CACNA2D1: variants seen among roughly 807,000 people sequenced by gnomAD.
CACNA2D1 encodes calcium voltage-gated channel auxiliary subunit alpha2delta 1.
In CACNA2D1, 53 loss-of-function variants were observed where a neutral mutation model predicts 171.5. That is an observed-to-expected ratio of 0.31 (90% CI 0.25 to 0.39). The LOEUF is 0.39. Ranked by LOEUF, CACNA2D1 falls within the 10% of genes least tolerant of loss-of-function variation. CACNA2D1 has a pLI of 1.00. For synonymous variants in CACNA2D1, 442 were observed against 443.1 expected (o/e 1.00, Z 0.03); for missense variants, 903 against 1,299.8 (o/e 0.69, Z 4.69).
chr7:82,012,254 G>GGAAA lies in CACNA2D1; in HGVS notation c.1273-12_1273-11insTTTC, dbSNP rs72239441. ...AACATCCAAATATTCCTGTTTATGG[G>GGAAA]AAAAAAAAAAAAAGTCGTGGTTAAA... On this transcript the variant is annotated splice_polypyrimidine_tract_variant and intron_variant, in intron 14 of 38. Coordinates refer to ENST00000356860, the MANE Select transcript of CACNA2D1 (RefSeq NM_000722.4). 168 of 1,224,232 alleles carry GGAAA rather than the reference G, an allele frequency of 1.4e-4. No individual in the cohort carries two copies. The highest frequency in any genetic ancestry group is 1.7e-4 in the Non-Finnish European group (149 of 855,238). The allele number at this position is 1,224,232 out of a possible 1,614,324, so 75.8% of individuals were successfully genotyped here.
At chr7:82,155,448 T>G (rs1358828197) in intron 4 of CACNA2D1, among the ~76,000 whole-genome samples, 1 of 152,166 alleles carries the variant, frequency 6.6e-6, no homozygotes, top group Non-Finnish European at 1.5e-5. Context: ...AGTTACTTCC[T>G]CTAGAGCAAA....
At chr7:82,349,390 A>G (rs1819596486) in intron 2 of CACNA2D1, among the ~76,000 whole-genome samples, 178 bp downstream of exon 2, 1 of 152,206 alleles carries the variant, frequency 6.6e-6, no homozygotes. Context: ...ATTTCTAAGG[A>G]TGGCATTTCC....
intron 21 of CACNA2D1, among the ~76,000 whole-genome samples, chr7:81,989,023 C>G (rs1361709968): frequency 6.6e-6 from 1 of 152,052 alleles, no homozygotes; most frequent in East Asian, 1.9e-4. Context: ...TGGAGAAGGC[C>G]TTTCTGAAGA....
At chr7:81,954,997 C>A (rs1048236190) in intron 38 of CACNA2D1, among the ~76,000 whole-genome samples, 2 of 151,930 alleles carry the variant, frequency 1.3e-5, no homozygotes, top group African/African-American at 4.8e-5. Context: ...GATTATGTAC[C>A]CAATAATATG....
intron 12 of CACNA2D1, among the ~76,000 whole-genome samples, chr7:82,021,489 A>G (rs1015708203): frequency 6.6e-6 from 1 of 152,058 alleles, no homozygotes; most frequent in Non-Finnish European, 1.5e-5. Flanking sequence ...AAGCTATTTA[A>G]TTTTTCTAAC....
intron 3 of CACNA2D1, among the ~76,000 whole-genome samples, chr7:82,268,782 C>T (rs1464061559): frequency 1.3e-5 from 2 of 150,868 alleles, no homozygotes; most frequent in Non-Finnish European, 2.9e-5. Context: ...GACAAGAAGC[C>T]TTTCCAAGAC....
chr7:82,292,654 T>C (rs1811791452), intron 3 of CACNA2D1, among the ~76,000 whole-genome samples: 1 of 152,120 alleles, frequency 6.6e-6, no homozygotes, highest in South Asian at 2.1e-4. Context: ...ATTATTCCAA[T>C]GTACTGTCAT....
intron 1 of CACNA2D1, among the ~76,000 whole-genome samples, chr7:82,432,503 T>A (rs2237531): frequency 2.0e-5 from 3 of 152,202 alleles, no homozygotes; most frequent in African/African-American, 7.2e-5. Context: ...GGATATTCTG[T>A]CAGTTTTTTG....
At position 81,970,692 on chromosome 7, in the gene CACNA2D1, G is replaced by A. The variant is rs1271569250; in HGVS notation, c.2187C>T (p.Thr729=). The A allele has an allele frequency of 2.5e-6, 4 of 1,581,730 alleles. No individual in the cohort carries two copies. The highest frequency in any genetic ancestry group is 3.5e-6 in the Non-Finnish European group (4 of 1,151,310). ...GAACTTACTCTTTGGGATAAACTCT[G>A]GTAATCCCACCATCAGTCACAACAA... ...ARFVVTDGGI[T]RVYPKEAGEN... is the part of the protein sequence containing the mutation. Residue 729 remains threonine, a synonymous_variant, in exon 27 of 39, where the codon ACC becomes ACT. Transcript: ENST00000356860.
chr7:81,997,074 A>G (rs937473336), intron 19 of CACNA2D1, 105 bp downstream of exon 19: 1 of 786,390 alleles, frequency 1.3e-6, no homozygotes, highest in Admixed American at 1.7e-5. Context: ...ATACAGTATC[A>G]AACAGACAAG....
chr7:82,166,547 A>G (rs1795472565), intron 4 of CACNA2D1, among the ~76,000 whole-genome samples: 1 of 152,092 alleles, frequency 6.6e-6, no homozygotes, highest in African/African-American at 2.4e-5. Flanking sequence ...TTGCAATGCA[A>G]TCAAATGAGA....
At chr7:82,047,816 A>G (rs981719436) in intron 10 of CACNA2D1, among the ~76,000 whole-genome samples, 1 of 152,192 alleles carries the variant, frequency 6.6e-6, no homozygotes, top group African/African-American at 2.4e-5. Flanking sequence ...AAATGATAGA[A>G]AAAATGAAGT....
intron 1 of CACNA2D1, among the ~76,000 whole-genome samples, chr7:82,350,153 CAT>C (rs1819688159): frequency 6.6e-6 from 1 of 152,070 alleles, no homozygotes; most frequent in Admixed American, 6.5e-5. Context: ...ATATAAAATG[CAT>C]ATCTCTTTTA....
intron 4 of CACNA2D1, among the ~76,000 whole-genome samples, chr7:82,150,424 A>T (rs1007606423): frequency 3.9e-5 from 1 of 25,808 alleles, no homozygotes; most frequent in African/African-American, 2.1e-4. Flanking sequence ...CTTTCCCTTA[A>T]AAAAAAAAAA....
chr7:82,426,583 C>A (rs1023243520), intron 1 of CACNA2D1, among the ~76,000 whole-genome samples: 1 of 152,080 alleles, frequency 6.6e-6, no homozygotes, highest in Admixed American at 6.6e-5. Flanking sequence ...AAAAAAAGTG[C>A]CATTCTATAT....
intron 3 of CACNA2D1, among the ~76,000 whole-genome samples, chr7:82,329,829 A>G (rs907871165): frequency 6.6e-6 from 1 of 152,132 alleles, no homozygotes; most frequent in African/African-American, 2.4e-5. Flanking sequence ...CAAATTATGA[A>G]TGTGGGTTTA....
intron 3 of CACNA2D1, among the ~76,000 whole-genome samples, chr7:82,254,472 T>G (rs765194826): frequency 2.4e-4 from 36 of 152,116 alleles, no homozygotes; most frequent in Non-Finnish European, 5.1e-4. Flanking sequence ...ATATATATTA[T>G]GTAATGATTA....
intron 3 of CACNA2D1, among the ~76,000 whole-genome samples, chr7:82,181,612 G>A (rs578039519): frequency 5.3e-5 from 8 of 152,158 alleles, no homozygotes; most frequent in African/African-American, 9.7e-5. Context: ...TCACAGCATC[G>A]TTCAAGGAAA....
chr7:82,387,487 T>C, intron 1 of CACNA2D1, among the ~76,000 whole-genome samples: 1 of 152,164 alleles, frequency 6.6e-6, no homozygotes, highest in Non-Finnish European at 1.5e-5. Context: ...ACTGCCAAAT[T>C]TAACGTGTCT....
Sources: gnomAD v4.1 joint callset for allele counts (sites outside exome capture counted in the v4.1 genomes callset) on GRCh38, gnomAD v4.1.1 for gene constraint, MANE v1.5 for transcripts, NCBI Gene and HGNC (gene_info 2026-07-23, HGNC 2026-07-21) for gene names.